The following PHIP variants were observed in gnomAD, a reference collection of about 807,000 sequenced individuals.
PHIP encodes PHIP subunit of CUL4-Ring ligase complex.
A neutral mutation model predicts 236.8 loss-of-function variants in PHIP; 54 were observed. The observed-to-expected ratio is 0.23, with a 90% CI of 0.18 to 0.29. The LOEUF (loss-of-function observed/expected upper bound fraction) is 0.29. Ranked by LOEUF, PHIP falls within the 10% of genes least tolerant of loss-of-function variation. PHIP has a pLI of 1.00. For synonymous variants in PHIP, 756 were observed against 718.9 expected, an observed-to-expected ratio of 1.05 and a Z score of -0.83; for missense variants, 1,370 against 2,190.8, an observed-to-expected ratio of 0.63 and a Z score of 7.48.
intron 24 of PHIP, among the ~76,000 whole-genome samples, chr6:78,972,078 C>A (rs1461199521): frequency 1.3e-5 from 2 of 152,044 alleles, no homozygotes; most frequent in Non-Finnish European, 2.9e-5. Context: ...GGGGGCAGGG[C>A]ACAGACAAAC....
chr6:79,023,098 G>C (rs536470784), intron 9 of PHIP, among the ~76,000 whole-genome samples: 7 of 152,264 alleles, frequency 4.6e-5, no homozygotes, highest in African/African-American at 1.7e-4. Flanking sequence ...TTTTTAATAA[G>C]ACAGGATCTT....
chr6:78,975,372 T>C (rs1389109122), intron 24 of PHIP, among the ~76,000 whole-genome samples: 1 of 152,110 alleles, frequency 6.6e-6, no homozygotes, highest in Middle Eastern at 3.2e-3. Flanking sequence ...TGGGACATAT[T>C]TCAAAATAAT....
chr6:78,948,643 C>T (rs1018258377), intron 35 of PHIP, among the ~76,000 whole-genome samples: 4 of 152,014 alleles, frequency 2.6e-5, no homozygotes, highest in Non-Finnish European at 5.9e-5. Flanking sequence ...TACAGGCAGG[C>T]GCTACCACAC....
intron 24 of PHIP, among the ~76,000 whole-genome samples, chr6:78,971,833 C>T (rs550746982): frequency 2.6e-5 from 4 of 152,288 alleles, no homozygotes; most frequent in South Asian, 4.1e-4. Flanking sequence ...GCTTAAAAAA[C>T]GGCGCACCAC....
chr6:78,982,176 CGTGTT>C (rs1279743544), intron 23 of PHIP, among the ~76,000 whole-genome samples: 1 of 151,888 alleles, frequency 6.6e-6, no homozygotes, highest in Non-Finnish European at 1.5e-5. Flanking sequence ...ACATGCCCCT[CGTGTT>C]GTATTTACTT....
At chr6:78,951,535 G>C (rs113850588) in intron 35 of PHIP, among the ~76,000 whole-genome samples, 1 of 152,084 alleles carries the variant, frequency 6.6e-6, no homozygotes, top group South Asian at 2.1e-4. Context: ...TAGATTATCC[G>C]AAGTTTTCTT....
intron 4 of PHIP, among the ~76,000 whole-genome samples, chr6:79,063,736 C>T (rs971776264): frequency 2.0e-5 from 3 of 152,086 alleles, no homozygotes; most frequent in Admixed American, 6.6e-5. Flanking sequence ...TTTTAAAACA[C>T]TTTTTAAAGA....
chr6:79,073,342 T>A (rs903604505), intron 4 of PHIP, among the ~76,000 whole-genome samples: 4 of 152,178 alleles, frequency 2.6e-5, no homozygotes, highest in African/African-American at 9.7e-5. Flanking sequence ...TTATTCATCA[T>A]TATAACGACC....
At chr6:79,068,702 T>C (rs1773744541) in intron 4 of PHIP, among the ~76,000 whole-genome samples, 2 of 152,244 alleles carry the variant, frequency 1.3e-5, no homozygotes, top group South Asian at 4.1e-4. Flanking sequence ...AATTACATTC[T>C]ATATTACATA....
Position 79,078,168 on chromosome 6 carries a change from C to G in PHIP, c.-100G>C. ...CCCTATAGCTGTCAGTGTGTGTTCA[C>G]GAGCCGAGCTTCGGCTCCACCATTC... On this transcript the variant is annotated 5_prime_UTR_variant, in exon 1 of 40. Coordinates refer to ENST00000275034, the MANE Select transcript of PHIP (RefSeq NM_017934.7). The G allele has an allele frequency of 8.4e-7, 1 of 1,194,340 alleles. No individual in the cohort carries two copies. The highest frequency in any genetic ancestry group is 2.4e-5 in the Admixed American group (1 of 42,184). 74.0% of individuals were successfully genotyped at this position (1,194,340 alleles called of 1,614,324 possible). A position where few individuals can be genotyped will look rare whatever the true frequency, so the allele number is the denominator to read the frequency against.
At position 78,963,154 on chromosome 6, in the gene PHIP, G is replaced by T. The variant is rs1215467115; in HGVS notation, c.3478C>A (p.Pro1160Thr). 1 of 1,610,032 alleles carries T rather than the reference G, an allele frequency of 6.2e-7. No homozygotes were observed. The highest frequency in any genetic ancestry group is 8.5e-7 in the Non-Finnish European group (1 of 1,178,154). ...KPLDGEWGTNPRDEECERIVA... is the reference protein window; with the variant it reads ...KPLDGEWGTNTRDEECERIVA... ...ATTCTTTCACATTCTTCATCCCTGG[G>T]ATTGGTACCCCATTCTCCATCAAGA... Residue 1160 changes from proline (P) to threonine (T), a missense_variant, in exon 30 of 40, where the codon CCC becomes ACC. This residue lies in a region of PHIP where 238 missense variants were observed against 398.5 expected (regional missense o/e 0.60). Coordinates refer to ENST00000275034, the MANE Select transcript of PHIP (RefSeq NM_017934.7).
chr6:78,974,563 C>T (rs1431847339), intron 24 of PHIP, among the ~76,000 whole-genome samples: 5 of 151,908 alleles, frequency 3.3e-5, no homozygotes, highest in Non-Finnish European at 4.4e-5. Context: ...ACAAAAAACC[C>T]TTCAAAAAAT....
chr6:79,046,901 AT>A (rs1046291577), intron 6 of PHIP, among the ~76,000 whole-genome samples: 2 of 149,554 alleles, frequency 1.3e-5, no homozygotes, highest in Admixed American at 6.6e-5. Flanking sequence ...AGGTTTAAGA[AT>A]TAAAAAAAAA....
At chr6:79,051,442 A>G (rs984051389) in intron 6 of PHIP, among the ~76,000 whole-genome samples, 1 of 152,200 alleles carries the variant, frequency 6.6e-6, no homozygotes, top group Non-Finnish European at 1.5e-5. Flanking sequence ...CCTGAGCAAC[A>G]TAGCACCCAT....
At chr6:78,971,893 G>A (rs1162012489) in intron 24 of PHIP, among the ~76,000 whole-genome samples, 8 of 152,242 alleles carry the variant, frequency 5.3e-5, no homozygotes, top group African/African-American at 1.2e-4. Context: ...ACGGAGTCTC[G>A]CTGATTGCTA....
In PHIP at chr6:78,940,644, T is replaced by C. The variant is rs1773455511; in HGVS notation, c.*49A>G. 1 of 1,264,252 alleles carries C rather than the reference T, an allele frequency of 7.9e-7. No homozygotes were observed. Among genetic ancestry groups the C allele is most frequent in the East Asian group, 2.8e-5 (1 of 36,036 alleles). 78.3% of individuals were successfully genotyped at this position (1,264,252 alleles called of 1,614,324 possible). ...CAGAAGCCTTAGTTCTACTTATTCC[T>C]TAACTGTACCTGCTTTATAGATTTT... On this transcript the variant is annotated 3_prime_UTR_variant, in exon 40 of 40. Coordinates refer to ENST00000275034, the MANE Select transcript of PHIP (RefSeq NM_017934.7).
chr6:78,971,184 T>C (rs552909595), intron 24 of PHIP, among the ~76,000 whole-genome samples: 1 of 152,396 alleles, frequency 6.6e-6, no homozygotes, highest in African/African-American at 2.4e-5. Flanking sequence ...CATAATAACG[T>C]TGACTAATAA....
intron 27 of PHIP, among the ~76,000 whole-genome samples, chr6:78,968,055 A>G (rs1194972211): frequency 1.3e-5 from 2 of 152,080 alleles, no homozygotes. Flanking sequence ...GAATGGTGTG[A>G]ACCTGGGAGG....
intron 10 of PHIP, 130 bp downstream of exon 10, chr6:79,018,959 T>A (rs1327744409): frequency 4.2e-5 from 25 of 589,524 alleles, no homozygotes; most frequent in Non-Finnish European, 4.9e-5. Context: ...AGTTACTTAT[T>A]AGCTCTGGCA....
Sources: gnomAD v4.1 joint callset for allele counts (sites outside exome capture counted in the v4.1 genomes callset) on GRCh38, gnomAD v4.1.1 for gene constraint, gnomAD v4.1.1 regional missense constraint, MANE v1.5 for transcripts, NCBI Gene and HGNC (gene_info 2026-07-23, HGNC 2026-07-21) for gene names.